The following EMC4 variants were observed in gnomAD, a reference collection of about 807,000 sequenced individuals.
The protein encoded by EMC4 is ER membrane protein complex subunit 4.
A neutral mutation model predicts 24.2 loss-of-function variants in EMC4; 9 were observed. The ratio of observed to expected loss-of-function variants is 0.37; its 90% CI spans 0.22 to 0.65. EMC4 has a LOEUF of 0.65. Ranked by LOEUF, EMC4 falls within the 30% of genes least tolerant of loss-of-function variation. The pLI is 0.59. For missense variants in EMC4, 169 were observed against 234.6 expected (o/e 0.72, Z 1.83); for synonymous variants, 86 against 81.1 (o/e 1.06, Z -0.32).
chr15:34,229,627 C>T, intron 4 of EMC4, 126 bp from the exon 5 acceptor site: 1 of 661,740 alleles, frequency 1.5e-6, no homozygotes, highest in Non-Finnish European at 2.7e-6. Context: ...CTGCGCCTGG[C>T]CTGGAAGTTC....
chr15:34,225,802 C>G (rs766623892), intron 2 of EMC4, 152 bp downstream of exon 2: 1 of 705,804 alleles, frequency 1.4e-6, no homozygotes, highest in Non-Finnish European at 2.6e-6. Context: ...TTTTATATAT[C>G]AGCTACAAAA....
chr15:34,228,078 G>T, intron 3 of EMC4: 1 of 466,176 alleles, frequency 2.1e-6, no homozygotes, highest in Non-Finnish European at 3.9e-6. Context: ...AGCTGCTTGG[G>T]AGGCTGAGAC....
At chr15:34,227,908 TGG>T (rs1446950249) in intron 3 of EMC4, 62 bp downstream of exon 3, 1 of 1,563,714 alleles carries the variant, frequency 6.4e-7, no homozygotes, top group African/African-American at 1.4e-5. Flanking sequence ...AGGCCGGGCA[TGG>T]TGGCTCACGC....
Position 34,225,670 on chromosome 15 carries a change from A to G in EMC4, c.201+20A>G, listed in dbSNP as rs758626272. On this transcript the variant is annotated intron_variant, in intron 2 of 4. Transcript: ENST00000267750. ...GAGAAGGTACAGAGGTATAGATGTTACCGTAGCCCATGGGCCAGTCCTGAG... is the reference window on the plus strand; with the variant it reads ...GAGAAGGTACAGAGGTATAGATGTTGCCGTAGCCCATGGGCCAGTCCTGAG... The G allele has an allele frequency of 1.0e-5, 16 of 1,585,962 alleles. No homozygotes were observed. The highest frequency in any genetic ancestry group is 1.4e-5 in the Non-Finnish European group (16 of 1,154,598).
intron 2 of EMC4, chr15:34,227,112 ATTCT>A (rs112141495): frequency 0.16 from 24,387 of 152,144 alleles, 2,413 homozygotes; most frequent in African/African-American, 0.28. Context: ...TACAATTTGC[ATTCT>A]TTGAGATTGA....
intron 2 of EMC4, chr15:34,227,410 C>T (rs1890674260): frequency 3.5e-6 from 1 of 288,546 alleles, no homozygotes; most frequent in Non-Finnish European, 6.8e-6. Context: ...TACATAAGTA[C>T]CAGGACAAAA....
rs886236076 is a variant in EMC4 at position 34,225,095 on chromosome 15, T to C, written c.-20T>C. ...GCTTTGGACTGAGAAGCATCGAGGCTATAGGACGCAGCTGTTGCCATGACG... is the reference window on the plus strand; with the variant it reads ...GCTTTGGACTGAGAAGCATCGAGGCCATAGGACGCAGCTGTTGCCATGACG... On this transcript the variant is annotated 5_prime_UTR_variant, in exon 1 of 5. Transcript: ENST00000267750. 1 of 1,548,350 alleles carries C rather than the reference T, an allele frequency of 6.5e-7. No individual in the cohort carries two copies. The highest frequency in any genetic ancestry group is 1.4e-5 in the African/African-American group (1 of 73,092).
At position 34,229,971 on chromosome 15, in the gene EMC4, A is replaced by G; in HGVS notation, c.*183A>G. 1 of 645,988 alleles carries G rather than the reference A, an allele frequency of 1.5e-6. No homozygotes were observed. Among genetic ancestry groups the G allele is most frequent in the South Asian group, 1.8e-5 (1 of 55,754 alleles). 40.0% of individuals were successfully genotyped at this position (645,988 alleles called of 1,614,324 possible). On this transcript the variant is annotated 3_prime_UTR_variant, in exon 5 of 5. Transcript: ENST00000267750. ...CAATGTGCATATTACGACAAACACA[A>G]AGAAACTATACCATAACCCAAGGCT...
chr15:34,230,120 C>A lies in EMC4; in HGVS notation c.*332C>A. 2 of 306,054 alleles carry A rather than the reference C, an allele frequency of 6.5e-6. No individual in the cohort carries two copies. The highest frequency in any genetic ancestry group is 5.9e-5 in the East Asian group (1 of 17,088). The allele number at this position is 306,054 out of a possible 1,614,324, so 19.0% of individuals were successfully genotyped here. A position where few individuals can be genotyped will look rare whatever the true frequency, so the allele number is the denominator to read the frequency against. ...CAAGAACTGTTGCAGCATCTCCTTT[C>A]AATAAATTAAATGGTTGAGAACAAT... On this transcript the variant is annotated 3_prime_UTR_variant, in exon 5 of 5. Transcript: ENST00000267750.
At chr15:34,226,295 T>C (rs78420922) in intron 2 of EMC4, 9,729 of 161,840 alleles carry the variant, frequency 0.06, 342 homozygotes, top group Non-Finnish European at 0.072. Context: ...AAGTTGTTCA[T>C]AATATGATCA....
At chr15:34,226,202 T>G (rs990423193) in intron 2 of EMC4, 1 of 167,844 alleles carries the variant, frequency 6.0e-6, no homozygotes, top group Non-Finnish European at 1.3e-5. Context: ...CGGGGCTATT[T>G]ATATTTCTAA....
chr15:34,228,559 G>A lies in EMC4; in HGVS notation c.486G>A (p.Ser162=), dbSNP rs375492262. The change falls in exon 4 of 5, where the codon TCG becomes TCA. Residue 162 remains serine, a synonymous_variant. Transcript: ENST00000267750. ...TGGGACTGTTACCTACACATGCATCGGATTGGTTAGCCTTCATTGAGCCCC... is the reference window on the plus strand; with the variant it reads ...TGGGACTGTTACCTACACATGCATCAGATTGGTTAGCCTTCATTGAGCCCC... ...QSMGLLPTHA[S]DWLAFIEPPE... is the part of the protein sequence containing the mutation. The A allele has an allele frequency of 6.2e-6, 10 of 1,613,774 alleles. No homozygotes were observed. Among genetic ancestry groups the A allele is most frequent in the East Asian group, 2.2e-5 (1 of 44,890 alleles).
intron 3 of EMC4, 111 bp from the exon 4 acceptor site, chr15:34,228,318 C>A (rs1256196510): frequency 9.8e-6 from 11 of 1,124,934 alleles, no homozygotes; most frequent in East Asian, 2.4e-5. Context: ...TTTAATGGTC[C>A]TATTTGCTGT....
At chr15:34,229,698 GTTATT>G in intron 4 of EMC4, 50 bp from the exon 5 acceptor site, 1 of 983,554 alleles carries the variant, frequency 1.0e-6, no homozygotes, top group South Asian at 1.5e-5. Context: ...GATTCAGGAA[GTTATT>G]TTAACACTCA....
chr15:34,228,039 T>C (rs1890692226), intron 3 of EMC4, 193 bp downstream of exon 3: 6 of 517,314 alleles, frequency 1.2e-5, no homozygotes, highest in Non-Finnish European at 2.1e-5. Context: ...AAAAATTAGC[T>C]GGGCGTGGTG....
chr15:34,227,916 C>A, intron 3 of EMC4, 70 bp downstream of exon 3: 2 of 1,535,722 alleles, frequency 1.3e-6, no homozygotes, highest in South Asian at 1.1e-5. Context: ...CATGGTGGCT[C>A]ACGCCTGTAA....
Position 34,230,120 on chromosome 15 carries a change from C to CAATA in EMC4, c.*336_*339dup, listed in dbSNP as rs1301426925. On this transcript the variant is annotated 3_prime_UTR_variant, in exon 5 of 5. Coordinates refer to ENST00000267750, the MANE Select transcript of EMC4 (RefSeq NM_016454.4). ...CAAGAACTGTTGCAGCATCTCCTTT[C>CAATA]AATAAATTAAATGGTTGAGAACAAT... 3.3e-6 allele frequency: 1 copy of CAATA among 305,936 alleles called. No individual in the cohort carries two copies. Among genetic ancestry groups the CAATA allele is most frequent in the African/African-American group, 2.2e-5 (1 of 46,256 alleles). 19.0% of individuals were successfully genotyped at this position (305,936 alleles called of 1,614,324 possible).
chr15:34,229,989 C>A lies in EMC4; in HGVS notation c.*201C>A, dbSNP rs16958862. On this transcript the variant is annotated 3_prime_UTR_variant, in exon 5 of 5. Coordinates refer to ENST00000267750, the MANE Select transcript of EMC4 (RefSeq NM_016454.4). ...AAACACAAAGAAACTATACCATAAC[C>A]CAAGGCTGAAAATAATGTAGAAAAC... 89 of 600,336 alleles carry A rather than the reference C, an allele frequency of 1.5e-4. No homozygotes were observed. The African/African-American group carries it at 1.6e-3, about 11-fold the overall frequency. The allele number at this position is 600,336 out of a possible 1,614,324, so 37.2% of individuals were successfully genotyped here. A position where few individuals can be genotyped will look rare whatever the true frequency, so the allele number is the denominator to read the frequency against.
At position 34,229,876 on chromosome 15, in the gene EMC4, A is replaced by G; in HGVS notation, c.*88A>G. 1.6e-6 allele frequency: 2 copies of G among 1,230,174 alleles called. No individual in the cohort carries two copies. Among genetic ancestry groups the G allele is most frequent in the South Asian group, 2.4e-5 (2 of 82,660 alleles). The allele number at this position is 1,230,174 out of a possible 1,614,324, so 76.2% of individuals were successfully genotyped here. A position where few individuals can be genotyped will look rare whatever the true frequency, so the allele number is the denominator to read the frequency against. On this transcript the variant is annotated 3_prime_UTR_variant, in exon 5 of 5. Coordinates refer to ENST00000267750, the MANE Select transcript of EMC4 (RefSeq NM_016454.4). ...CAGTGGCTCCTCAGCATACTCTTAA[A>G]CTAATCACTTATGTTAAAAAGAACC...
Sources: allele counts gnomAD v4.1 joint callset, GRCh38; gene constraint gnomAD v4.1.1; transcripts MANE v1.5; gene names NCBI Gene and HGNC (gene_info 2026-07-23, HGNC 2026-07-21).